The following NAV3 variants were observed in gnomAD, a reference collection of about 807,000 sequenced individuals.
NAV3 encodes neuron navigator 3.
NAV3 carries 87 observed loss-of-function variants against 244.7 expected under a neutral mutation model. That is an observed-to-expected ratio of 0.36 (90% confidence interval 0.30 to 0.42). The LOEUF is 0.42. Among genes scored for constraint, NAV3 ranks in the 20% least tolerant of loss-of-function variants. The pLI is 1.00. For missense variants in NAV3, 2,663 were observed against 2,893.3 expected (o/e 0.92, Z 1.83); for synonymous variants, 1,126 against 1,042.2 (o/e 1.08, Z -1.55).
At position 77,624,283 on chromosome 12, in the gene NAV3, C is replaced by T. The variant is rs560836070; in HGVS notation, c.72+52017C>T. On this transcript the variant is annotated intron_variant, in intron 2 of 8. Coordinates refer to the NAV3 transcript ENST00000550042. ...TCAGTGCAAAAGCTGTAAGCATAAT[C>T]GTTCATGTGAGAAACAGTAGGGGAT... 3.9e-5 allele frequency among the ~76,000 whole-genome samples: 6 copies of T among 152,206 alleles called. No individual in the cohort carries two copies. The South Asian group carries it at 1.2e-3, about 32-fold the overall frequency.
intron 36 of NAV3, 182 bp from the exon 37 acceptor site, chr12:78,199,153 C>T: frequency 1.5e-6 from 1 of 676,178 alleles, no homozygotes; most frequent in Non-Finnish European, 2.7e-6. Context: ...TACATTATAG[C>T]TCTCATCCTA....
chr12:77,741,179 A>G (rs1358405627), intron 2 of NAV3, among the ~76,000 whole-genome samples: 1 of 150,656 alleles, frequency 6.6e-6, no homozygotes, highest in East Asian at 1.9e-4. Flanking sequence ...AAAGAAAGAA[A>G]AAGAAAAAGA....
intron 5 of NAV3, among the ~76,000 whole-genome samples, chr12:77,984,606 C>T (rs1459232183): frequency 2.0e-5 from 3 of 151,856 alleles, no homozygotes; most frequent in Non-Finnish European, 2.9e-5. Flanking sequence ...AGAAACTAGG[C>T]ACAGAAAGCA....
At chr12:77,750,380 C>T (rs1235943558) in intron 2 of NAV3, among the ~76,000 whole-genome samples, 1 of 151,718 alleles carries the variant, frequency 6.6e-6, no homozygotes, top group Non-Finnish European at 1.5e-5. Context: ...AATACAAGAA[C>T]AGAACATAAC....
rs1416745669 is a variant in NAV3, at chr12:77,976,669, TTTTTC to T, written c.671+7972_671+7976del. 1.2e-3 allele frequency among the ~76,000 whole-genome samples: 95 copies of T among 82,118 alleles called. 4 individuals are homozygous for T. In the South Asian group the frequency reaches 0.013, roughly 11 times the overall value. 53.9% of individuals were successfully genotyped at this position (82,118 alleles called of 152,430 possible). ...TTCTTTCTTTCTTTCTTTCTTTCTT[TTTTTC>T]TTTTTTTTTTTTTTTTTTGAGACGG... On this transcript the variant is annotated intron_variant, in intron 5 of 39. Coordinates refer to ENST00000397909, the MANE Select transcript of NAV3 (RefSeq NM_001024383.2).
At position 78,126,111 on chromosome 12, in the gene NAV3, A is replaced by G. The variant is rs542565281; in HGVS notation, c.4239-1056A>G. 1.6e-3 allele frequency among the ~76,000 whole-genome samples: 249 copies of G among 152,342 alleles called. 1 individual carries two copies. The highest frequency in any genetic ancestry group is 0.014 in the Middle Eastern group (4 of 294). On this transcript the variant is annotated intron_variant, in intron 16 of 39. Transcript: ENST00000397909. ...TATATACTGTAACTGGCCTCTACAC[A>G]GTATAAGCAATTACCTTACATGGCT...
intron 1 of NAV3, among the ~76,000 whole-genome samples, chr12:77,916,736 T>C (rs570272171): frequency 6.6e-6 from 1 of 152,188 alleles, no homozygotes; most frequent in African/African-American, 2.4e-5. Context: ...CTGATTTTCA[T>C]TATGATCAGA....
intron 18 of NAV3, among the ~76,000 whole-genome samples, chr12:78,135,964 A>G (rs906295146): frequency 6.6e-6 from 1 of 152,110 alleles, no homozygotes; most frequent in African/African-American, 2.4e-5. Flanking sequence ...AACTGGCTCT[A>G]TCAGAGGGTT....
chr12:77,976,092 G>A (rs1399678000), intron 5 of NAV3, among the ~76,000 whole-genome samples: 1 of 152,174 alleles, frequency 6.6e-6, no homozygotes, highest in Non-Finnish European at 1.5e-5. Flanking sequence ...TATAGTATTA[G>A]CTGTTGGAAA....
intron 2 of NAV3, among the ~76,000 whole-genome samples, chr12:77,741,846 T>G (rs980950114): frequency 6.6e-6 from 1 of 152,140 alleles, no homozygotes; most frequent in Non-Finnish European, 1.5e-5. Flanking sequence ...TTAATGCTTT[T>G]TGGCATTAAT....
At chr12:78,190,706 A>T (rs1173398011) in intron 34 of NAV3, among the ~76,000 whole-genome samples, 14 of 150,136 alleles carry the variant, frequency 9.3e-5, no homozygotes, top group Admixed American at 7.9e-4. Context: ...CAATTTGCTT[A>T]TGTCACATCT....
At chr12:77,664,593 C>T (rs1283976009) in intron 2 of NAV3, among the ~76,000 whole-genome samples, 2 of 152,138 alleles carry the variant, frequency 1.3e-5, no homozygotes, top group Non-Finnish European at 2.9e-5. Context: ...ATAAGGTTTA[C>T]ACTTACAGTT....
intron 1 of NAV3, among the ~76,000 whole-genome samples, chr12:77,853,814 TATACTG>T (rs1877930509): frequency 6.6e-6 from 1 of 152,216 alleles, no homozygotes; most frequent in Non-Finnish European, 1.5e-5. Flanking sequence ...AAATTTTTCT[TATACTG>T]AGGTGAAAAT....
intron 2 of NAV3, among the ~76,000 whole-genome samples, chr12:77,623,354 T>A (rs1871467210): frequency 6.6e-6 from 1 of 152,176 alleles, no homozygotes; most frequent in African/African-American, 2.4e-5. Flanking sequence ...TACTTCTGAT[T>A]TTGAATTGGC....
chr12:78,204,668 T>C (rs1193282619), intron 38 of NAV3, among the ~76,000 whole-genome samples: 6 of 152,248 alleles, frequency 3.9e-5, no homozygotes, highest in Non-Finnish European at 7.4e-5. Flanking sequence ...TCTATGTTTA[T>C]TTATAATAAA....
At chr12:77,826,578 A>G (rs577235791), upstream of NAV3, among the ~76,000 whole-genome samples, 1 of 152,314 alleles carries the variant, frequency 6.6e-6, no homozygotes, top group South Asian at 2.1e-4. Flanking sequence ...GAATTGTGCC[A>G]TATTCAAACA....
intron 12 of NAV3, among the ~76,000 whole-genome samples, chr12:78,072,284 G>A (rs1380357808): frequency 3.9e-4 from 57 of 147,452 alleles, no homozygotes; most frequent in Admixed American, 1.7e-3. Context: ...TTGATAGACC[G>A]CTAGCAAGAC....
intron 2 of NAV3, among the ~76,000 whole-genome samples, chr12:77,730,761 T>G (rs571005885): frequency 6.6e-6 from 1 of 151,156 alleles, no homozygotes; most frequent in East Asian, 1.9e-4. Context: ...GATGGCATAG[T>G]GCTTTTTTCT....
chr12:77,599,082 G>A (rs1870304134), intron 2 of NAV3, among the ~76,000 whole-genome samples: 1 of 151,884 alleles, frequency 6.6e-6, no homozygotes, highest in Non-Finnish European at 1.5e-5. Flanking sequence ...TTCTATGAGT[G>A]TAATTTAGAT....
Sources: allele counts gnomAD v4.1 joint callset (sites outside exome capture counted in the v4.1 genomes callset), GRCh38; gene constraint gnomAD v4.1.1; transcripts MANE v1.5; gene names NCBI Gene and HGNC (gene_info 2026-07-23, HGNC 2026-07-21).